The following SYNE2 variants were observed in gnomAD, a reference collection of about 807,000 sequenced individuals.
SYNE2 encodes the protein nesprin-2.
SYNE2 carries 431 observed loss-of-function variants against 856.3 expected under a neutral mutation model. The ratio of observed to expected loss-of-function variants is 0.50; its 90% CI spans 0.47 to 0.55. The LOEUF (loss-of-function observed/expected upper bound fraction) is 0.55, where lower values mean the gene tolerates loss of function less well. Among genes scored for constraint, SYNE2 ranks in the 20% least tolerant of loss-of-function variants. SYNE2 has a pLI of 0.00. For missense variants in SYNE2, 8,129 were observed against 8,023.2 expected, an observed-to-expected ratio of 1.01 and a Z score of -0.50; for synonymous variants, 2,923 against 2,872.3, an observed-to-expected ratio of 1.02 and a Z score of -0.56.
In SYNE2 at chr14:63,978,986, CTG is replaced by C. The variant is rs2096565542; in HGVS notation, c.1544_1545del (p.Val515GlyfsTer9). The C allele has an allele frequency of 6.2e-7, 1 of 1,613,842 alleles. No individual in the cohort carries two copies. Among genetic ancestry groups the C allele is most frequent in the Non-Finnish European group, 8.5e-7 (1 of 1,179,874 alleles). On this transcript the variant is annotated frameshift_variant, in exon 14 of 116. Transcript: ENST00000555002. LOFTEE classifies it high-confidence loss of function. ...AACATTAAATATGGGAGCAGAGAAT[CTG>C]TGGAATTATTGCTGGAAGACTGGCA...
intron 19 of SYNE2, 74 bp from the exon 20 acceptor site, chr14:63,990,337 T>G: frequency 1.5e-5 from 22 of 1,484,846 alleles, no homozygotes; most frequent in Non-Finnish European, 2.0e-5. Flanking sequence ...TTTGGTTTCC[T>G]GAGATTGTTT....
chr14:64,088,060 G>A (rs1426716694), intron 58 of SYNE2, among the ~76,000 whole-genome samples: 1 of 152,190 alleles, frequency 6.6e-6, no homozygotes, highest in Non-Finnish European at 1.5e-5. Flanking sequence ...GTGCACACCT[G>A]TAATCCCAGC....
At chr14:63,762,331 A>G (rs542956391) in intron 1 of SYNE2, among the ~76,000 whole-genome samples, 31 of 151,154 alleles carry the variant, frequency 2.1e-4, no homozygotes, top group Admixed American at 1.1e-3. Flanking sequence ...GTTACTTGGG[A>G]GGCTGAGGCA....
chr14:64,219,332 A>G lies in SYNE2; in HGVS notation c.19782A>G (p.Glu6594=). ...TCACTACTTGGCTGAAAAAAACTGAAGCAGAGCTGGAAATGTTAAAGATGG... is the reference window on the plus strand; with the variant it reads ...TCACTACTTGGCTGAAAAAAACTGAGGCAGAGCTGGAAATGTTAAAGATGG... The part of the protein sequence containing the change: ...SAITTWLKKT[E]AELEMLKMAK... Residue 6594 remains glutamate (E), a synonymous_variant, in exon 110 of 116, where the codon GAA becomes GAG. Transcript: ENST00000555002. The G allele has an allele frequency of 6.2e-7, 1 of 1,614,182 alleles. No homozygotes were observed. Among genetic ancestry groups the G allele is most frequent in the Non-Finnish European group, 8.5e-7 (1 of 1,180,038 alleles).
intron 85 of SYNE2, among the ~76,000 whole-genome samples, chr14:64,157,336 CAT>C (rs2098294361): frequency 6.6e-6 from 1 of 152,210 alleles, no homozygotes; most frequent in African/African-American, 2.4e-5. Flanking sequence ...TAAATAGAAT[CAT>C]ATGCTATATA....
chr14:63,834,358 A>G (rs1566596958), intron 1 of SYNE2, among the ~76,000 whole-genome samples: 1 of 152,076 alleles, frequency 6.6e-6, no homozygotes, highest in Non-Finnish European at 1.5e-5. Flanking sequence ...GTGAGACTCC[A>G]TCTCAGAAAA....
chr14:63,861,302 G>T (rs996524066), intron 1 of SYNE2, among the ~76,000 whole-genome samples: 1 of 151,592 alleles, frequency 6.6e-6, no homozygotes. Context: ...GCACCACCAC[G>T]CCCAGCTAAT....
intron 1 of SYNE2, among the ~76,000 whole-genome samples, chr14:63,797,369 T>C (rs983937725): frequency 2.2e-4 from 34 of 151,398 alleles, no homozygotes; most frequent in African/African-American, 8.2e-4. Flanking sequence ...CCAGCTTGGG[T>C]GACAGAGTGA....
chr14:64,184,368 G>A (rs1255982), intron 96 of SYNE2, among the ~76,000 whole-genome samples: 9,530 of 150,922 alleles, frequency 0.063, 543 homozygotes, highest in East Asian at 0.34. Flanking sequence ...GTGTGTATGT[G>A]TATGAACATG....
intron 64 of SYNE2, among the ~76,000 whole-genome samples, chr14:64,105,407 C>T (rs765944577): frequency 2.0e-5 from 3 of 152,144 alleles, no homozygotes; most frequent in Non-Finnish European, 2.9e-5. Context: ...TGATAACAGT[C>T]ACTGTTTTCA....
Position 63,855,018 on chromosome 14 carries a change from C to G in SYNE2, c.-52+1875C>G, listed in dbSNP as rs1300659791. ...TCACAAAGTTATTTATTCATTTACT[C>G]AAACTCCTACATATACCAGCCACTG... On this transcript the variant is annotated intron_variant, in intron 1 of 115. Coordinates refer to ENST00000555002, the MANE Select transcript of SYNE2 (RefSeq NM_182914.3). 3.3e-5 allele frequency among the ~76,000 whole-genome samples: 5 copies of G among 152,154 alleles called. No homozygotes were observed. The South Asian group carries it at 8.3e-4, about 25-fold the overall frequency.
At chr14:63,954,627 T>C (rs1406478954) in intron 7 of SYNE2, 92 bp from the exon 8 acceptor site, 3 of 1,204,578 alleles carry the variant, frequency 2.5e-6, no homozygotes, top group Non-Finnish European at 3.6e-6. Flanking sequence ...ATTTACTTGA[T>C]TTGCCAAATT....
intron 107 of SYNE2, chr14:64,215,603 T>C: frequency 1.7e-6 from 1 of 582,096 alleles, no homozygotes; most frequent in Non-Finnish European, 3.0e-6. Context: ...AGAGGGAATT[T>C]TTCATGGTGC....
intron 100 of SYNE2, chr14:64,207,938 A>C: frequency 2.2e-6 from 1 of 452,192 alleles, no homozygotes; most frequent in South Asian, 1.6e-5. Context: ...CAGGTTCCTT[A>C]TCTCTCTCCC....
chr14:63,805,165 C>T (rs1888311030), intron 1 of SYNE2, among the ~76,000 whole-genome samples: 1 of 152,078 alleles, frequency 6.6e-6, no homozygotes, highest in Admixed American at 6.5e-5. Context: ...TAGTGTGATG[C>T]CTCTGGCTTT....
At chr14:63,921,262 T>C (rs867938069) in intron 2 of SYNE2, among the ~76,000 whole-genome samples, 1 of 151,132 alleles carries the variant, frequency 6.6e-6, no homozygotes, top group South Asian at 2.1e-4. Context: ...TCTGGAAATG[T>C]TGAGTTCGAG....
chr14:64,133,752 C>T (rs566228774), intron 77 of SYNE2, among the ~76,000 whole-genome samples: 2 of 152,284 alleles, frequency 1.3e-5, no homozygotes, highest in African/African-American at 2.4e-5. Flanking sequence ...AAGGTCTCTA[C>T]GGAGTTGCTA....
intron 14 of SYNE2, among the ~76,000 whole-genome samples, chr14:63,980,035 C>T (rs2096574138): frequency 6.6e-6 from 1 of 152,114 alleles, no homozygotes. Context: ...AGTTTCCAAA[C>T]AGGAAGCATC....
At chr14:64,006,417 GTCTC>G (rs1431468270) in intron 30 of SYNE2, among the ~76,000 whole-genome samples, 1 of 151,930 alleles carries the variant, frequency 6.6e-6, no homozygotes, top group Admixed American at 6.6e-5. Flanking sequence ...TATGCGCTTT[GTCTC>G]TCTCTCTTTT....
Sources: gnomAD v4.1 joint callset for allele counts (sites outside exome capture counted in the v4.1 genomes callset) on GRCh38, gnomAD v4.1.1 for gene constraint, MANE v1.5 for transcripts, NCBI Gene and HGNC (gene_info 2026-07-23, HGNC 2026-07-21) for gene names.